INPP4B: variants seen among roughly 807,000 people sequenced by gnomAD.
INPP4B encodes inositol polyphosphate 4-phosphatase type II.
INPP4B carries 55 observed loss-of-function variants against 122.5 expected under a neutral mutation model. That is an observed-to-expected ratio of 0.45 (90% CI 0.36 to 0.56). The LOEUF (loss-of-function observed/expected upper bound fraction) is 0.56. Ranked by LOEUF, INPP4B falls within the 20% of genes least tolerant of loss-of-function variation. The pLI, the probability that INPP4B is intolerant of heterozygous loss-of-function variation, is 0.00. For synonymous variants in INPP4B, 403 were observed against 388.7 expected (o/e 1.04, Z -0.43); for missense variants, 1,000 against 1,097.7 (o/e 0.91, Z 1.26).
intron 23 of INPP4B, among the ~76,000 whole-genome samples, chr4:142,087,303 A>G (rs776530793): frequency 1.3e-5 from 2 of 152,230 alleles, no homozygotes; most frequent in Non-Finnish European, 2.9e-5. Flanking sequence ...GTATGAGATA[A>G]TTGGGTAGAA....
At chr4:142,441,000 T>C (rs555689969) in intron 3 of INPP4B, among the ~76,000 whole-genome samples, 1 of 152,250 alleles carries the variant, frequency 6.6e-6, no homozygotes, top group South Asian at 2.1e-4. Flanking sequence ...GAGATGAGAA[T>C]TGCTTCCAGA....
At chr4:142,330,753 GGAAT>G (rs1225824438) in intron 7 of INPP4B, among the ~76,000 whole-genome samples, 1 of 152,086 alleles carries the variant, frequency 6.6e-6, no homozygotes, top group Non-Finnish European at 1.5e-5. Context: ...CTTAACAGTT[GGAAT>G]GTATTTGTCA....
At chr4:142,097,594 G>A (rs1782541595) in intron 23 of INPP4B, among the ~76,000 whole-genome samples, 1 of 151,966 alleles carries the variant, frequency 6.6e-6, no homozygotes, top group Non-Finnish European at 1.5e-5. Flanking sequence ...TTGCCCTATA[G>A]TAGCCAAGTT....
At chr4:142,357,336 C>T (rs1783945120) in intron 7 of INPP4B, among the ~76,000 whole-genome samples, 2 of 151,946 alleles carry the variant, frequency 1.3e-5, no homozygotes. Context: ...GCTAACGGCA[C>T]TGGTTAGTCT....
chr4:142,270,271 CT>C (rs1417406104), intron 10 of INPP4B, among the ~76,000 whole-genome samples: 1 of 152,174 alleles, frequency 6.6e-6, no homozygotes, highest in Non-Finnish European at 1.5e-5. Flanking sequence ...AATCGCATAT[CT>C]TTCCAAAGAG....
chr4:142,844,018 C>A (rs1783882323), intron 1 of INPP4B, among the ~76,000 whole-genome samples: 1 of 152,082 alleles, frequency 6.6e-6, no homozygotes, highest in Admixed American at 6.5e-5. Flanking sequence ...ATTTTATAAT[C>A]AAGTTTAACT....
At chr4:142,591,338 G>A (rs1296604917) in intron 2 of INPP4B, among the ~76,000 whole-genome samples, 1 of 151,848 alleles carries the variant, frequency 6.6e-6, no homozygotes, top group Non-Finnish European at 1.5e-5. Context: ...AGAAGAAAGG[G>A]AACAATTGAA....
chr4:142,098,970 A>G (rs1348390940), intron 23 of INPP4B, among the ~76,000 whole-genome samples: 1 of 152,154 alleles, frequency 6.6e-6, no homozygotes, highest in Non-Finnish European at 1.5e-5. Flanking sequence ...GATTTAAAAG[A>G]AGCAGCCATA....
intron 2 of INPP4B, among the ~76,000 whole-genome samples, chr4:142,520,963 T>C (rs1826000286): frequency 6.6e-6 from 1 of 151,980 alleles, no homozygotes; most frequent in African/African-American, 2.4e-5. Context: ...TATAAAACTG[T>C]GTGCAAGGGC....
At chr4:142,193,698 T>C (rs937231656) in intron 14 of INPP4B, among the ~76,000 whole-genome samples, 1 of 152,208 alleles carries the variant, frequency 6.6e-6, no homozygotes, top group Admixed American at 6.5e-5. Context: ...CCTGATTGTG[T>C]ATACTAAATT....
intron 15 of INPP4B, among the ~76,000 whole-genome samples, chr4:142,177,227 T>C (rs893667614): frequency 4.0e-5 from 6 of 150,270 alleles, no homozygotes; most frequent in African/African-American, 1.5e-4. Flanking sequence ...CCAACGTTGG[T>C]GTCCAGGATG....
intron 2 of INPP4B, among the ~76,000 whole-genome samples, chr4:142,655,784 C>A (rs1754017639): frequency 6.6e-6 from 1 of 152,064 alleles, no homozygotes; most frequent in Non-Finnish European, 1.5e-5. Flanking sequence ...GTACATTATT[C>A]CTTTTAAAGT....
intron 1 of INPP4B, among the ~76,000 whole-genome samples, chr4:142,773,394 C>T (rs1773381295): frequency 6.6e-6 from 1 of 152,100 alleles, no homozygotes; most frequent in African/African-American, 2.4e-5. Context: ...ACCATGTACT[C>T]ATATTTTAAA....
At chr4:142,241,279 C>T (rs1158789925) in intron 11 of INPP4B, among the ~76,000 whole-genome samples, 4 of 151,962 alleles carry the variant, frequency 2.6e-5, no homozygotes, top group Non-Finnish European at 4.4e-5. Context: ...TATCATGCGA[C>T]CGATTATATC....
intron 18 of INPP4B, among the ~76,000 whole-genome samples, chr4:142,132,123 T>G (rs1284806310): frequency 6.6e-6 from 1 of 152,218 alleles, no homozygotes; most frequent in Non-Finnish European, 1.5e-5. Flanking sequence ...CTGCATATGA[T>G]TCCACAGTGA....
chr4:142,261,903 G>T (rs958927209), intron 10 of INPP4B, among the ~76,000 whole-genome samples: 5 of 151,864 alleles, frequency 3.3e-5, no homozygotes, highest in Non-Finnish European at 5.9e-5. Context: ...TTTCTTTATT[G>T]AGGTCCTAGT....
At chr4:142,140,156 G>GTCT (rs1807009435) in intron 18 of INPP4B, among the ~76,000 whole-genome samples, 3 of 152,204 alleles carry the variant, frequency 2.0e-5, no homozygotes, top group Non-Finnish European at 4.4e-5. Context: ...ATGATATGTG[G>GTCT]ACTAATTCGA....
At chr4:142,305,206 C>T (rs1336353643) in intron 9 of INPP4B, among the ~76,000 whole-genome samples, 1 of 152,132 alleles carries the variant, frequency 6.6e-6, no homozygotes, top group Non-Finnish European at 1.5e-5. Context: ...CAAAGAATTT[C>T]ATCACTTTAA....
At chr4:142,570,903 C>G (rs1732656202) in intron 2 of INPP4B, among the ~76,000 whole-genome samples, 1 of 151,782 alleles carries the variant, frequency 6.6e-6, no homozygotes, top group African/African-American at 2.4e-5. Flanking sequence ...TATAAAAACC[C>G]AAAGTCTACC....
Sources: allele counts gnomAD v4.1 joint callset (sites outside exome capture counted in the v4.1 genomes callset), GRCh38; gene constraint gnomAD v4.1.1; transcripts MANE v1.5; gene names NCBI Gene and HGNC (gene_info 2026-07-23, HGNC 2026-07-21).